PRRX2: variants seen among roughly 807,000 people sequenced by gnomAD.
PRRX2 encodes paired mesoderm homeobox protein 2.
Under a neutral mutation model 18.0 loss-of-function variants are expected in PRRX2, and 11 were observed. The observed-to-expected ratio is 0.61, with a 90% CI of 0.39 to 1.01. PRRX2 has a LOEUF of 1.01. Ranked by LOEUF, PRRX2 falls within the 50% of genes least tolerant of loss-of-function variation. PRRX2 has a pLI of 0.01. For missense variants in PRRX2, 387 were observed against 351.0 expected, an observed-to-expected ratio of 1.10 and a Z score of -0.82; for synonymous variants, 177 against 154.8, an observed-to-expected ratio of 1.14 and a Z score of -1.06.
chr9:129,669,810 C>T (rs933546858), intron 1 of PRRX2, among the ~76,000 whole-genome samples: 1 of 151,952 alleles, frequency 6.6e-6, no homozygotes, highest in African/African-American at 2.4e-5. Context: ...ACTGGCAGAC[C>T]TACCTTCAAT....
intron 1 of PRRX2, among the ~76,000 whole-genome samples, chr9:129,680,635 G>T (rs529578186): frequency 6.6e-6 from 1 of 152,058 alleles, no homozygotes; most frequent in Non-Finnish European, 1.5e-5. Context: ...CTTGCCTCAC[G>T]GCTTTGCTGG....
At chr9:129,698,258 G>A (rs1832451367) in intron 1 of PRRX2, among the ~76,000 whole-genome samples, 1 of 24,420 alleles carries the variant, frequency 4.1e-5, no homozygotes, top group African/African-American at 2.9e-4. Flanking sequence ...TGGATGGGGC[G>A]GGGGGGGGGG....
chr9:129,666,944 G>A (rs947832888), intron 1 of PRRX2, among the ~76,000 whole-genome samples: 15 of 152,286 alleles, frequency 9.8e-5, no homozygotes, highest in African/African-American at 3.6e-4. Flanking sequence ...GGCCCCTGAA[G>A]TGTGCCCGCC....
In PRRX2 at chr9:129,694,431, C is replaced by T. The variant is rs530030038; in HGVS notation, c.260-24800C>T. The stretch of plus-strand genomic sequence containing the variant: ...AACTCCTGACCTCAAGTGATCCGCC[C>T]GCCTCGGCCTCCCACAGTGCTGGGA... On this transcript the variant is annotated intron_variant, in intron 1 of 3. Transcript: ENST00000372469. Among the ~76,000 whole-genome samples the T allele has an allele frequency of 1.4e-4, 22 of 152,356 alleles. No individual in the cohort carries two copies. The South Asian group carries it at 3.9e-3, about 27-fold the overall frequency.
chr9:129,677,305 G>C (rs551943410), intron 1 of PRRX2, among the ~76,000 whole-genome samples: 1 of 152,354 alleles, frequency 6.6e-6, no homozygotes, highest in East Asian at 1.9e-4. Context: ...TCTTACAGGC[G>C]AGGAAACCGA....
chr9:129,684,902 A>G (rs1259252318), intron 1 of PRRX2, among the ~76,000 whole-genome samples: 2 of 152,226 alleles, frequency 1.3e-5, no homozygotes, highest in African/African-American at 4.8e-5. Context: ...TCCCAAGGTC[A>G]CCAAGCTTGT....
At chr9:129,684,805 G>A (rs1308996451) in intron 1 of PRRX2, among the ~76,000 whole-genome samples, 2 of 152,218 alleles carry the variant, frequency 1.3e-5, no homozygotes, top group African/African-American at 4.8e-5. Context: ...TACATCTCAT[G>A]TATTGTCTCA....
chr9:129,672,490 A>C (rs1425514494), intron 1 of PRRX2, among the ~76,000 whole-genome samples: 1 of 152,180 alleles, frequency 6.6e-6, no homozygotes, highest in Non-Finnish European at 1.5e-5. Flanking sequence ...GATCTCTACC[A>C]CTGCCTGAAG....
intron 1 of PRRX2, among the ~76,000 whole-genome samples, chr9:129,694,135 C>T (rs574434645): frequency 3.3e-5 from 5 of 152,226 alleles, no homozygotes; most frequent in South Asian, 4.2e-4. Context: ...GAGCCAGCCC[C>T]GGCCTGAGTG....
At chr9:129,668,172 G>A (rs904530775) in intron 1 of PRRX2, among the ~76,000 whole-genome samples, 1 of 152,200 alleles carries the variant, frequency 6.6e-6, no homozygotes, top group Non-Finnish European at 1.5e-5. Context: ...CAGGGCAGGC[G>A]CCAGTTTCCA....
chr9:129,683,595 C>T (rs556982828), intron 1 of PRRX2, among the ~76,000 whole-genome samples: 4 of 152,162 alleles, frequency 2.6e-5, no homozygotes, highest in African/African-American at 9.6e-5. Context: ...ATTAGCTGGG[C>T]GTGGTGACGG....
rs762929485 is a variant in PRRX2 at position 129,715,750 on chromosome 9, T to TCTCTCTCTCTCA, written c.260-3480_260-3479insTCTCTCTCTCAC. Among the ~76,000 whole-genome samples, 253 of 138,950 alleles carry TCTCTCTCTCTCA rather than the reference T, an allele frequency of 1.8e-3. No homozygotes were observed. Among genetic ancestry groups the TCTCTCTCTCTCA allele is most frequent in the African/African-American group, 6.5e-3 (241 of 36,914 alleles). 91.2% of individuals were successfully genotyped at this position (138,950 alleles called of 152,430 possible). ...AAACCCAGCTTCAGGGACATCTTTC[T>TCTCTCTCTCTCA]CACACACACACACACACACACACAC... On this transcript the variant is annotated intron_variant, in intron 1 of 3. Coordinates refer to ENST00000372469, the MANE Select transcript of PRRX2 (RefSeq NM_016307.4). The surrounding 1 kb of genome is among the most constrained non-coding windows in gnomAD (Gnocchi z 4.0).
intron 1 of PRRX2, among the ~76,000 whole-genome samples, chr9:129,698,580 A>G (rs1337604260): frequency 6.6e-6 from 1 of 152,214 alleles, no homozygotes; most frequent in Non-Finnish European, 1.5e-5. Flanking sequence ...AGCCATGCAC[A>G]TCAACTCAGA....
In PRRX2 at chr9:129,719,434, C is replaced by T. The variant is rs1049336764; in HGVS notation, c.447+16C>T. The stretch of plus-strand genomic sequence containing the variant: ...GCGCGTTCAGGTGAGCGCTCAGTCC[C>T]GGGCCTCCCGTGGGAGCGTGCGCGT... On this transcript the variant is annotated intron_variant, in intron 2 of 3. Transcript: ENST00000372469. 3.5e-5 allele frequency: 53 copies of T among 1,497,836 alleles called. No homozygotes were observed. The highest frequency in any genetic ancestry group is 4.4e-5 in the Admixed American group (2 of 45,648). 92.8% of individuals were successfully genotyped at this position (1,497,836 alleles called of 1,614,324 possible).
intron 1 of PRRX2, among the ~76,000 whole-genome samples, chr9:129,668,209 C>T (rs1352564738): frequency 1.3e-5 from 2 of 152,228 alleles, no homozygotes; most frequent in African/African-American, 4.8e-5. Context: ...CAGGCGGCCC[C>T]ACCACTGCCA....
At chr9:129,712,071 C>T (rs1832630153) in intron 1 of PRRX2, among the ~76,000 whole-genome samples, 1 of 152,156 alleles carries the variant, frequency 6.6e-6, no homozygotes, top group South Asian at 2.1e-4. Context: ...TAAGACGTTC[C>T]AGGCTGTAAA....
intron 1 of PRRX2, among the ~76,000 whole-genome samples, chr9:129,696,246 C>T (rs1832420250): frequency 6.6e-6 from 1 of 152,076 alleles, no homozygotes; most frequent in Admixed American, 6.6e-5. Context: ...GAAAACAAGC[C>T]ACATACCCCT....
At chr9:129,691,681 C>CT (rs57659621) in intron 1 of PRRX2, among the ~76,000 whole-genome samples, 3,378 of 141,480 alleles carry the variant, frequency 0.024, 123 homozygotes, top group African/African-American at 0.076. Context: ...TTTAAATATA[C>CT]TTTTTTTTTT....
rs1447189169 is a variant in PRRX2 at position 129,720,702 on chromosome 9, AG to A, written c.555del (p.Glu185AspfsTer11). ...TCCTACAGCCAGGAGGCCGCCATCGAGCAGCCCGTGGCTCCCCGGCCCACCG... is the reference window on the plus strand; with the variant it reads ...TCCTACAGCCAGGAGGCCGCCATCGACAGCCCGTGGCTCCCCGGCCCACCG... ...LKSYSQEAAIEQPVAPRPTAL... is the reference protein window; with the variant it reads ...LKSYSQEAAIXQPVAPRPTAL... On this transcript the variant is annotated frameshift_variant, in exon 3 of 4. Coordinates refer to ENST00000372469, the MANE Select transcript of PRRX2 (RefSeq NM_016307.4). LOFTEE classifies it high-confidence loss of function. The A allele has an allele frequency of 1.2e-6, 2 of 1,613,134 alleles. No homozygotes were observed. Among genetic ancestry groups the A allele is most frequent in the Non-Finnish European group, 1.7e-6 (2 of 1,179,790 alleles).
Sources: allele counts gnomAD v4.1 joint callset (sites outside exome capture counted in the v4.1 genomes callset), GRCh38; gene constraint gnomAD v4.1.1; non-coding constraint Gnocchi (gnomAD v3.1); transcripts MANE v1.5; gene names NCBI Gene and HGNC (gene_info 2026-07-23, HGNC 2026-07-21).